The following ENO1 variants were observed in gnomAD, a reference collection of about 807,000 sequenced individuals.
The protein encoded by ENO1 is enolase 1.
ENO1 carries 33 observed loss-of-function variants against 46.3 expected under a neutral mutation model. The observed-to-expected ratio is 0.71, with a 90% CI of 0.54 to 0.95. The LOEUF is 0.95. Among genes scored for constraint, ENO1 ranks in the 40% least tolerant of loss-of-function variants. The pLI is 0.00. For missense variants in ENO1, 488 were observed against 553.3 expected (o/e 0.88, Z 1.18); for synonymous variants, 220 against 216.0 (o/e 1.02, Z -0.16).
intron 2 of ENO1, among the ~76,000 whole-genome samples, chr1:8,872,690 A>G (rs1048255621): frequency 4.6e-5 from 7 of 152,068 alleles, no homozygotes; most frequent in African/African-American, 1.7e-4. Context: ...GACAGGTACT[A>G]TATTGATGTT....
At chr1:8,867,471 CATTATAA>C (rs1642544711) in intron 5 of ENO1, among the ~76,000 whole-genome samples, 1 of 152,206 alleles carries the variant, frequency 6.6e-6, no homozygotes, top group African/African-American at 2.4e-5. Flanking sequence ...TTGCTGAATT[CATTATAA>C]GGAGCAAAGC....
intron 3 of ENO1, chr1:8,870,798 C>A: frequency 7.1e-7 from 1 of 1,399,044 alleles, no homozygotes; most frequent in Non-Finnish European, 9.3e-7. Context: ...ACGCCAACTG[C>A]AGACTAAAGG....
Position 8,861,112 on chromosome 1 carries a change from A to G in ENO1, c.*248T>C, listed in dbSNP as rs1305497065. On this transcript the variant is annotated 3_prime_UTR_variant, in exon 12 of 12. Transcript: ENST00000234590. Reference sequence around the variant, plus strand: ...TCACATGACTCTAGACACTTGGTGGAAAGTGAGGCGAGAAAAACAATGACT... The same window carrying G: ...TCACATGACTCTAGACACTTGGTGGGAAGTGAGGCGAGAAAAACAATGACT... 1 of 486,564 alleles carries G rather than the reference A, an allele frequency of 2.1e-6. No homozygotes were observed. The highest frequency in any genetic ancestry group is 3.7e-6 in the Non-Finnish European group (1 of 270,632). The allele number at this position is 486,564 out of a possible 1,614,324, so 30.1% of individuals were successfully genotyped here.
Position 8,867,212 on chromosome 1 carries a change from C to G in ENO1, c.349G>C (p.Ala117Pro), listed in dbSNP as rs1411896968. The G allele has an allele frequency of 6.2e-6, 10 of 1,614,174 alleles. No individual in the cohort carries two copies. Among genetic ancestry groups the G allele is most frequent in the Non-Finnish European group, 8.5e-6 (10 of 1,180,020 alleles). ...TCAACGGCACCAGCTTTGCAGACGGCAAGGGACACCCCCAGAATGGCGTTC... is the reference window on the plus strand; with the variant it reads ...TCAACGGCACCAGCTTTGCAGACGGGAAGGGACACCCCCAGAATGGCGTTC... ...GANAILGVSL[A>P]VCKAGAVEKG... Residue 117 changes from alanine (A) to proline (P), a missense_variant, in exon 6 of 12, where the codon GCC becomes CCC. By Grantham distance (27) the Ala-to-Pro change is conservative. Transcript: ENST00000234590.
At chr1:8,875,055 C>A in intron 1 of ENO1, 138 bp from the exon 2 acceptor site, 1 of 652,570 alleles carries the variant, frequency 1.5e-6, no homozygotes, top group Non-Finnish European at 2.5e-6. Flanking sequence ...GGAAAGCTGG[C>A]TAGGGTGGGG....
At chr1:8,863,073 A>T (rs1642438271) in intron 10 of ENO1, 128 bp from the exon 11 acceptor site, 4 of 1,380,088 alleles carry the variant, frequency 2.9e-6, no homozygotes, top group Non-Finnish European at 4.0e-6. Flanking sequence ...GGGCCACAAC[A>T]TACAGGCAGG....
intron 4 of ENO1, 120 bp downstream of exon 4, chr1:8,870,332 G>T (rs1569911962): frequency 7.8e-7 from 1 of 1,287,476 alleles, no homozygotes; most frequent in Non-Finnish European, 1.1e-6. Flanking sequence ...GTGCGTGACA[G>T]GGAATCCAAT....
rs765810181 is a variant in ENO1 at position 8,863,890 on chromosome 1, C to T, written c.1067+1G>A. The T allele has an allele frequency of 1.1e-5, 17 of 1,614,022 alleles. No homozygotes were observed. Among genetic ancestry groups the T allele is most frequent in the South Asian group, 8.8e-5 (8 of 91,088 alleles). ...AGCTGCTCGCCTGGGAAGACACTTA[C>T]GCCTGAAGAGACTCGGTCACGGAGC... On this transcript the variant is annotated splice_donor_variant, in intron 9 of 11. Coordinates refer to ENST00000234590, the MANE Select transcript of ENO1 (RefSeq NM_001428.5). LOFTEE classifies it high-confidence loss of function.
rs1208761293 is a variant in ENO1 at position 8,874,832 on chromosome 1, G to A, written c.77C>T (p.Thr26Ile). 5 of 1,613,338 alleles carry A rather than the reference G, an allele frequency of 3.1e-6. No homozygotes were observed. Among genetic ancestry groups the A allele is most frequent in the Admixed American group, 1.7e-5 (1 of 59,950 alleles). Residue 26 changes from threonine (T) to isoleucine (I), a missense_variant, in exon 2 of 12, where the codon ACC becomes ATC. By Grantham distance (89) the Thr-to-Ile change is moderately conservative (BLOSUM62 -1). Coordinates refer to ENST00000234590, the MANE Select transcript of ENO1 (RefSeq NM_001428.5). Reference protein sequence around the residue: ...GNPTVEVDLFTSKGLFRAAVP... With the variant: ...GNPTVEVDLFISKGLFRAAVP... ...AAGGAGGTGGCACATACCTTTTGAG[G>A]TGAAGAGATCAACCTCAACAGTGGG...
Position 8,871,941 on chromosome 1 carries a change from T to C in ENO1, c.131A>G (p.Tyr44Cys), listed in dbSNP as rs138834005. ...AVPSGASTGIYEALELRDNDK... is the reference protein window; with the variant it reads ...AVPSGASTGICEALELRDNDK... The stretch of plus-strand genomic sequence containing the variant: ...ATTGTCCCGGAGCTCTAGGGCCTCA[T>C]AGATACCAGTTGAAGCACCACTGGG... The change falls in exon 3 of 12, where the codon TAT becomes TGT. Residue 44 changes from tyrosine to cysteine, a missense_variant. Physicochemically the swap from Tyr to Cys is radical, Grantham distance 194. Transcript: ENST00000234590. 118 of 1,614,150 alleles carry C rather than the reference T, an allele frequency of 7.3e-5. No individual in the cohort carries two copies. The highest frequency in any genetic ancestry group is 1.1e-4 in the East Asian group (5 of 44,886).
intron 4 of ENO1, among the ~76,000 whole-genome samples, chr1:8,869,864 G>A (rs749573259): frequency 5.3e-5 from 8 of 152,152 alleles, no homozygotes; most frequent in Non-Finnish European, 1.2e-4. Flanking sequence ...CTGGCCCGGA[G>A]TGTTTTTAGA....
rs1642643061 is a variant in ENO1, at chr1:8,871,953, G to A, written c.119C>T (p.Ser40Leu). The stretch of plus-strand genomic sequence containing the variant: ...CTCTAGGGCCTCATAGATACCAGTT[G>A]AAGCACCACTGGGCACAGCAGCTCT... Reference protein sequence around the residue: ...LFRAAVPSGASTGIYEALELR... With the variant: ...LFRAAVPSGALTGIYEALELR... The change falls in exon 3 of 12, where the codon TCA becomes TTA. Residue 40 changes from serine to leucine, a missense_variant. By Grantham distance (145) the Ser-to-Leu change is moderately radical. Transcript: ENST00000234590. 6.2e-7 allele frequency: 1 copy of A among 1,614,034 alleles called. No homozygotes were observed. The highest frequency in any genetic ancestry group is 1.3e-5 in the African/African-American group (1 of 74,900).
intron 8 of ENO1, 54 bp from the exon 9 acceptor site, chr1:8,864,146 C>T (rs542124045): frequency 3.0e-5 from 47 of 1,587,904 alleles, no homozygotes; most frequent in Admixed American, 8.3e-5. Flanking sequence ...TGTGCTCCAC[C>T]GCAATGCCCA....
At chr1:8,869,253 C>T (rs1172924537) in intron 4 of ENO1, among the ~76,000 whole-genome samples, 1 of 146,834 alleles carries the variant, frequency 6.8e-6, no homozygotes, top group East Asian at 1.9e-4. Context: ...GGATCCTGCT[C>T]ATCGTGTGAG....
chr1:8,866,034 T>C, intron 7 of ENO1: 2 of 434,932 alleles, frequency 4.6e-6, no homozygotes, highest in Non-Finnish European at 8.2e-6. Flanking sequence ...TGAGCCGAGA[T>C]TGCGCCACTG....
At chr1:8,877,197 C>T (rs529091899) in intron 1 of ENO1, among the ~76,000 whole-genome samples, 2 of 152,140 alleles carry the variant, frequency 1.3e-5, no homozygotes, top group East Asian at 3.9e-4. Flanking sequence ...CGTGAGCCAC[C>T]CACCTCGGCC....
intron 4 of ENO1, among the ~76,000 whole-genome samples, chr1:8,869,321 G>T (rs1642584344): frequency 6.6e-6 from 1 of 152,122 alleles, no homozygotes; most frequent in East Asian, 1.9e-4. Context: ...AGGTGTCCGG[G>T]AGACTGGCAG....
At chr1:8,862,974 CAGCGGACA>C (rs1247847181) in intron 10 of ENO1, 29 bp from the exon 11 acceptor site, 2 of 1,612,946 alleles carry the variant, frequency 1.2e-6, no homozygotes, top group South Asian at 2.2e-5. Context: ...CATTTGCTTA[CAGCGGACA>C]AGCTTTGCAG....
At chr1:8,870,899 TGAA>T (rs1642618695) in intron 3 of ENO1, 2 of 1,254,414 alleles carry the variant, frequency 1.6e-6, no homozygotes, top group East Asian at 2.9e-5. Context: ...CAGCAGAGGA[TGAA>T]GAAGGAAAAA....
Sources: allele counts gnomAD v4.1 joint callset (sites outside exome capture counted in the v4.1 genomes callset), GRCh38; gene constraint gnomAD v4.1.1; transcripts MANE v1.5; gene names NCBI Gene and HGNC (gene_info 2026-07-23, HGNC 2026-07-21).